Variants in MBD5 observed in about 807,000 individuals in gnomAD.
MBD5 encodes the protein methyl-CpG-binding domain protein 5.
In MBD5, 13 loss-of-function variants were observed where a neutral mutation model predicts 117.3. The ratio of observed to expected loss-of-function variants is 0.11; its 90% CI spans 0.07 to 0.18. The LOEUF (loss-of-function observed/expected upper bound fraction) is 0.18, where lower values mean the gene tolerates loss of function less well. Among genes scored for constraint, MBD5 ranks in the 10% least tolerant of loss-of-function variants. MBD5 has a pLI of 1.00. For synonymous variants in MBD5, 727 were observed against 766.4 expected, an observed-to-expected ratio of 0.95 and a Z score of 0.85; for missense variants, 1,879 against 2,093.8, an observed-to-expected ratio of 0.90 and a Z score of 2.00.
At chr2:148,265,539 TA>T (rs5835181) in intron 3 of MBD5, among the ~76,000 whole-genome samples, 916 of 7,786 alleles carry the variant, frequency 0.12, 9 homozygotes, top group African/African-American at 0.19. Context: ...AATGCTTTGA[TA>T]AAAAACTATT....
chr2:148,465,055 T>G (rs887579148), intron 7 of MBD5, among the ~76,000 whole-genome samples: 1 of 152,172 alleles, frequency 6.6e-6, no homozygotes, highest in African/African-American at 2.4e-5. Flanking sequence ...TTACATATCT[T>G]TATATCAATT....
intron 1 of MBD5, among the ~76,000 whole-genome samples, chr2:148,156,821 T>C (rs1327021613): frequency 6.6e-6 from 1 of 152,220 alleles, no homozygotes; most frequent in Non-Finnish European, 1.5e-5. Flanking sequence ...ATCACAAGAC[T>C]GTGATAGTGC....
At chr2:148,114,726 G>A (rs1184758268) in intron 1 of MBD5, among the ~76,000 whole-genome samples, 1 of 152,098 alleles carries the variant, frequency 6.6e-6, no homozygotes, top group Non-Finnish European at 1.5e-5. Flanking sequence ...GGAATTACCA[G>A]TATAAACTGA....
At chr2:148,329,909 A>T (rs1161516301) in intron 3 of MBD5, among the ~76,000 whole-genome samples, 1 of 152,030 alleles carries the variant, frequency 6.6e-6, no homozygotes, top group East Asian at 1.9e-4. Flanking sequence ...AACAGTTACC[A>T]TTTGCATGCT....
At chr2:148,140,377 G>GA (rs1697284053) in intron 1 of MBD5, among the ~76,000 whole-genome samples, 1 of 152,038 alleles carries the variant, frequency 6.6e-6, no homozygotes, top group Admixed American at 6.5e-5. Context: ...GACAAAAGCA[G>GA]ATAAAAAAAT....
chr2:148,064,132 T>TTC (rs1695117045), intron 1 of MBD5, among the ~76,000 whole-genome samples: 1 of 147,130 alleles, frequency 6.8e-6, no homozygotes, highest in Admixed American at 6.7e-5. Flanking sequence ...TTTTTTCTTT[T>TTC]TTTTTTTTTT....
chr2:148,417,546 A>G lies in MBD5; in HGVS notation c.-556-40657A>G, dbSNP rs371132502. The stretch of plus-strand genomic sequence containing the variant: ...GAGAAATCTCCATGCTGTTTTCCAC[A>G]GAGTTTGTACTAATTTGCATTCCCA... On this transcript the variant is annotated intron_variant, in intron 4 of 13. Transcript: ENST00000642680. Among the ~76,000 whole-genome samples, 9 of 152,084 alleles carry G rather than the reference A, an allele frequency of 5.9e-5. No individual in the cohort carries two copies. In the East Asian group the frequency reaches 1.5e-3, roughly 26 times the overall value.
chr2:148,402,340 A>G (rs1030040437), intron 4 of MBD5, among the ~76,000 whole-genome samples: 7 of 152,258 alleles, frequency 4.6e-5, no homozygotes, highest in Middle Eastern at 3.4e-3. Context: ...AAATTCTTCA[A>G]TAAAGAAGAG....
chr2:148,481,104 T>A (rs1274188656), intron 8 of MBD5, among the ~76,000 whole-genome samples: 1 of 152,136 alleles, frequency 6.6e-6, no homozygotes, highest in Non-Finnish European at 1.5e-5. Flanking sequence ...TCATGCCAAT[T>A]ACGAAATTTT....
intron 1 of MBD5, among the ~76,000 whole-genome samples, chr2:148,076,609 C>T (rs886814497): frequency 2.6e-5 from 4 of 152,174 alleles, no homozygotes; most frequent in Admixed American, 1.3e-4. Context: ...AGTTAGTCTT[C>T]TAGGTGCCAG....
chr2:148,065,008 A>G (rs1695146883), intron 1 of MBD5, among the ~76,000 whole-genome samples: 1 of 152,116 alleles, frequency 6.6e-6, no homozygotes, highest in Non-Finnish European at 1.5e-5. Flanking sequence ...CCCATACACC[A>G]GTAGTCAGGG....
At chr2:148,312,407 A>C (rs1255426271) in intron 3 of MBD5, among the ~76,000 whole-genome samples, 5 of 151,874 alleles carry the variant, frequency 3.3e-5, no homozygotes, top group Non-Finnish European at 7.4e-5. Flanking sequence ...GTTGATCTTC[A>C]ATCTCTGATA....
chr2:148,424,491 CA>C (rs1705715531), intron 4 of MBD5, among the ~76,000 whole-genome samples: 1 of 151,942 alleles, frequency 6.6e-6, no homozygotes, highest in South Asian at 2.1e-4. Flanking sequence ...AGAAAATTAA[CA>C]AGGATATTCA....
intron 4 of MBD5, among the ~76,000 whole-genome samples, chr2:148,432,440 C>T (rs1469295629): frequency 6.6e-6 from 1 of 152,022 alleles, no homozygotes; most frequent in East Asian, 1.9e-4. Context: ...GAAATCTTTG[C>T]CAAGTCCTAT....
intron 3 of MBD5, among the ~76,000 whole-genome samples, chr2:148,308,594 T>C (rs1701954945): frequency 6.6e-6 from 1 of 150,886 alleles, no homozygotes; most frequent in South Asian, 2.1e-4. Context: ...TTTTCTTGCG[T>C]TCTGTAGGTG....
chr2:148,209,816 C>T (rs1435885552), intron 2 of MBD5, among the ~76,000 whole-genome samples: 1 of 152,052 alleles, frequency 6.6e-6, no homozygotes, highest in East Asian at 1.9e-4. Flanking sequence ...TACTTTTAAA[C>T]AACCATATTT....
At position 148,054,324 on chromosome 2, in the gene MBD5, A is replaced by G. The variant is rs535825506; in HGVS notation, c.-925+32640A>G. ...TAGCCATACATCACGACTTACATTT[A>G]AATTTTATTTGATTTAAATGAAATT... On this transcript the variant is annotated intron_variant, in intron 1 of 13. Coordinates refer to ENST00000642680, the MANE Select transcript of MBD5 (RefSeq NM_001378120.1). 2.0e-5 allele frequency: 3 copies of G among 152,334 alleles called. No homozygotes were observed. The South Asian group carries it at 6.2e-4, about 32-fold the overall frequency. The allele number at this position is 152,334 out of a possible 1,614,324, so 9.4% of individuals were successfully genotyped here. A position where few individuals can be genotyped will look rare whatever the true frequency, so the allele number is the denominator to read the frequency against.
chr2:148,131,166 A>G (rs1193775747), intron 1 of MBD5, among the ~76,000 whole-genome samples: 1 of 152,188 alleles, frequency 6.6e-6, no homozygotes, highest in Non-Finnish European at 1.5e-5. Context: ...AGGGCTTACT[A>G]GTTTGAAAGC....
chr2:148,415,554 A>G (rs761725259), intron 4 of MBD5, among the ~76,000 whole-genome samples: 1 of 152,126 alleles, frequency 6.6e-6, no homozygotes, highest in Non-Finnish European at 1.5e-5. Flanking sequence ...ATTATCAAAC[A>G]TGTTTTCCAG....
Sources: allele counts gnomAD v4.1 joint callset (sites outside exome capture counted in the v4.1 genomes callset), GRCh38; gene constraint gnomAD v4.1.1; transcripts MANE v1.5; gene names NCBI Gene and HGNC (gene_info 2026-07-23, HGNC 2026-07-21).